The following E2F7 variants were observed in gnomAD, a reference collection of about 807,000 sequenced individuals.
E2F7 encodes the protein E2F transcription factor 7.
Under a neutral mutation model 81.1 loss-of-function variants are expected in E2F7, and 35 were observed. The observed-to-expected ratio is 0.43, with a 90% CI of 0.33 to 0.57. The LOEUF (loss-of-function observed/expected upper bound fraction) is 0.57, where lower values mean the gene tolerates loss of function less well. Ranked by LOEUF, E2F7 falls within the 20% of genes least tolerant of loss-of-function variation. E2F7 has a pLI of 0.04. For synonymous variants in E2F7, 416 were observed against 416.2 expected, an observed-to-expected ratio of 1.00 and a Z score of 0.01; for missense variants, 961 against 1,093.7, an observed-to-expected ratio of 0.88 and a Z score of 1.71.
chr12:77,036,487 C>T (rs1217678836), intron 7 of E2F7, among the ~76,000 whole-genome samples: 9 of 151,884 alleles, frequency 5.9e-5, no homozygotes, highest in Non-Finnish European at 1.0e-4. Flanking sequence ...ATCATGCCAT[C>T]GCGCCACTGC....
chr12:77,027,922 G>C lies in E2F7; in HGVS notation c.2101C>G (p.Pro701Ala), dbSNP rs752828847. 16 of 1,614,186 alleles carry C rather than the reference G, an allele frequency of 9.9e-6. No individual in the cohort carries two copies. The highest frequency in any genetic ancestry group is 1.3e-5 in the Non-Finnish European group (15 of 1,180,046). The change falls in exon 11 of 13, where the codon CCT becomes GCT. Residue 701 changes from proline to alanine, a missense_variant. By Grantham distance (27) the Pro-to-Ala change is conservative (BLOSUM62 -1). Coordinates refer to ENST00000322886, the MANE Select transcript of E2F7 (RefSeq NM_203394.3). ...ACACAAAGATATTGTAGCAAAGAAG[G>C]CTCTTTGGTGCTTTCATTTTCTTTT... ...PSKENESTKE[P>A]SLLQYLCVQS...
chr12:77,045,962 C>G, intron 5 of E2F7, 76 bp downstream of exon 5: 1 of 1,538,944 alleles, frequency 6.5e-7, no homozygotes, highest in Non-Finnish European at 8.8e-7. Flanking sequence ...CACTTCCCAT[C>G]TGAGCAGTGA....
At position 77,029,957 on chromosome 12, in the gene E2F7, C is replaced by T; in HGVS notation, c.1758G>A (p.Leu586=). The T allele has an allele frequency of 6.2e-7, 1 of 1,614,256 alleles. No individual in the cohort carries two copies. The highest frequency in any genetic ancestry group is 8.5e-7 in the Non-Finnish European group (1 of 1,180,054). ...GCTTCTGAGCTGAGGGTGCAGATGA[C>T]AGCTCTACTGTGGCTGGGGCTTCTG... ...RSSEAPATVE[L]SSAPSAQKRL... The change falls in exon 10 of 13, where the codon CTG becomes CTA. Residue 586 remains leucine, a synonymous_variant. Transcript: ENST00000322886.
intron 2 of E2F7, among the ~76,000 whole-genome samples, chr12:77,061,706 T>A (rs1298863706): frequency 1.3e-5 from 2 of 152,080 alleles, no homozygotes; most frequent in Non-Finnish European, 2.9e-5. Flanking sequence ...AAGAAAGAAA[T>A]CCTCTAAATG....
Position 77,023,932 on chromosome 12 carries a change from A to T in E2F7, c.*83T>A. 1 of 1,499,152 alleles carries T rather than the reference A, an allele frequency of 6.7e-7. No individual in the cohort carries two copies. Among genetic ancestry groups the T allele is most frequent in the East Asian group, 2.3e-5 (1 of 43,994 alleles). 92.9% of individuals were successfully genotyped at this position (1,499,152 alleles called of 1,614,324 possible). On this transcript the variant is annotated 3_prime_UTR_variant, in exon 13 of 13. Coordinates refer to ENST00000322886, the MANE Select transcript of E2F7 (RefSeq NM_203394.3). ...AAAGAGAGAGGAAGGACCCGTGCTCAGGACGGGATGGTTTGCATCCCGCCT... is the reference window on the plus strand; with the variant it reads ...AAAGAGAGAGGAAGGACCCGTGCTCTGGACGGGATGGTTTGCATCCCGCCT...
At chr12:77,033,832 C>A in intron 8 of E2F7, 25 bp downstream of exon 8, 1 of 1,562,294 alleles carries the variant, frequency 6.4e-7, no homozygotes, top group Non-Finnish European at 8.7e-7. Context: ...CTGATGGACT[C>A]CATAGATTAT....
chr12:77,040,697 C>A (rs1191904407), intron 7 of E2F7, among the ~76,000 whole-genome samples: 14 of 152,034 alleles, frequency 9.2e-5, no homozygotes, highest in Middle Eastern at 3.2e-3. Context: ...GAGTGGGGAC[C>A]AGGAGGGAGG....
At position 77,033,056 on chromosome 12, in the gene E2F7, T is replaced by C. The variant is rs1954818906; in HGVS notation, c.1376A>G (p.Asn459Ser). The part of the protein sequence containing the change: ...AAVYRQKIED[N>S]SQGKAFASKR... ...GCTTTTATAGACTACTTACTGTGAA[T>C]TGTCTTCTATTTTCTGTCTATAGAC... Residue 459 changes from asparagine to serine, a missense_variant, in exon 9 of 13, where the codon AAT becomes AGT. Around this residue, in one of 3 missense-constraint regions of E2F7, gnomAD observed 587 missense variants for 620.3 expected, o/e 0.95. Transcript: ENST00000322886. The C allele has an allele frequency of 1.9e-6, 3 of 1,613,018 alleles. No individual in the cohort carries two copies. Among genetic ancestry groups the C allele is most frequent in the South Asian group, 2.2e-5 (2 of 90,852 alleles).
rs1041137000 is a variant in E2F7 at position 77,055,892 on chromosome 12, A to G, written c.332T>C (p.Ile111Thr). Residue 111 changes from isoleucine to threonine, a missense_variant, in exon 3 of 13, where the codon ATT becomes ACT. Coordinates refer to ENST00000322886, the MANE Select transcript of E2F7 (RefSeq NM_203394.3). ...TGTAAATGCATCGTCCTTGTTTTCA[A>G]TGGGTCGGAATAGTCCCTTTTTCTT... The part of the protein sequence containing the change: ...REKKKGLFRP[I>T]ENKDDAFTDS... 15 of 1,612,460 alleles carry G rather than the reference A, an allele frequency of 9.3e-6. No homozygotes were observed. Among genetic ancestry groups the G allele is most frequent in the Non-Finnish European group, 1.3e-5 (15 of 1,179,604 alleles).
chr12:77,036,910 C>T (rs889932648), intron 7 of E2F7, among the ~76,000 whole-genome samples: 5 of 152,144 alleles, frequency 3.3e-5, no homozygotes, highest in African/African-American at 1.2e-4. Context: ...CCTGGCTAAT[C>T]AGCTAATTTT....
intron 12 of E2F7, among the ~76,000 whole-genome samples, chr12:77,025,039 T>G (rs1295253045): frequency 6.6e-6 from 1 of 152,196 alleles, no homozygotes; most frequent in Non-Finnish European, 1.5e-5. Flanking sequence ...TATGTATAGA[T>G]GTATATACAT....
chr12:77,026,326 C>T (rs189813403), intron 11 of E2F7, among the ~76,000 whole-genome samples: 4 of 151,780 alleles, frequency 2.6e-5, no homozygotes, highest in African/African-American at 4.8e-5. Flanking sequence ...GTTTTGAGAC[C>T]CAGTCTTGCT....
intron 6 of E2F7, 69 bp downstream of exon 6, chr12:77,044,568 C>G: frequency 1.3e-6 from 2 of 1,533,676 alleles, no homozygotes; most frequent in Non-Finnish European, 1.8e-6. Context: ...ATCTTGGAAG[C>G]AGAAAATATC....
chr12:77,030,373 C>T (rs1263915871), intron 9 of E2F7, 41 bp from the exon 10 acceptor site: 6 of 1,512,974 alleles, frequency 4.0e-6, no homozygotes, highest in Non-Finnish European at 5.3e-6. Context: ...GCACATTCTA[C>T]CAACTCCTGA....
At chr12:77,026,930 T>C (rs10779149) in intron 11 of E2F7, among the ~76,000 whole-genome samples, 106,796 of 152,094 alleles carry the variant, frequency 0.7, 38,017 homozygotes, top group East Asian at 0.93. Context: ...GAGGAGGAAT[T>C]CATGGCCTTC....
At chr12:77,034,725 C>A (rs904446593) in intron 7 of E2F7, among the ~76,000 whole-genome samples, 2 of 152,226 alleles carry the variant, frequency 1.3e-5, no homozygotes, top group South Asian at 2.1e-4. Context: ...AGACAGTCAT[C>A]TCTACCATAT....
intron 7 of E2F7, among the ~76,000 whole-genome samples, chr12:77,034,557 A>G (rs1954833351): frequency 6.6e-6 from 1 of 152,248 alleles, no homozygotes; most frequent in Non-Finnish European, 1.5e-5. Flanking sequence ...CTACGTGACC[A>G]AAGGAATAAG....
chr12:77,046,502 T>G (rs1030919689), intron 4 of E2F7, among the ~76,000 whole-genome samples, 174 bp from the exon 5 acceptor site: 2 of 152,234 alleles, frequency 1.3e-5, no homozygotes, highest in Non-Finnish European at 2.9e-5. Context: ...ATAAATTATT[T>G]TTCTTTTTCC....
chr12:77,029,481 T>C (rs916528774), intron 10 of E2F7, among the ~76,000 whole-genome samples: 1 of 152,234 alleles, frequency 6.6e-6, no homozygotes, highest in South Asian at 2.1e-4. Context: ...TGGATTAAGA[T>C]GTTTATTTCA....
Sources: allele counts gnomAD v4.1 joint callset (sites outside exome capture counted in the v4.1 genomes callset), GRCh38; gene constraint gnomAD v4.1.1; regional missense constraint gnomAD v4.1.1; transcripts MANE v1.5; gene names NCBI Gene and HGNC (gene_info 2026-07-23, HGNC 2026-07-21).